The following MATCAP1 variants were observed in gnomAD, a reference collection of about 807,000 sequenced individuals.
MATCAP1 encodes microtubule associated tyrosine carboxypeptidase 1.
the MATCAP1 span, among the ~76,000 whole-genome samples, chr16:67,182,477 C>A: frequency 2.6e-5 from 4 of 152,318 alleles, no homozygotes; most frequent in African/African-American, 7.2e-5. Flanking sequence ...TTAGCTCAGA[C>A]TTCTTCCATA....
At chr16:67,181,927 A>C in the MATCAP1 span, among the ~76,000 whole-genome samples, 1 of 152,202 alleles carries the variant, frequency 6.6e-6, no homozygotes, top group African/African-American at 2.4e-5. Context: ...AATGACCTTC[A>C]TATTGATCAG....
chr16:67,179,039 A>T, the MATCAP1 span: 4 of 1,077,806 alleles, frequency 3.7e-6, no homozygotes, highest in Admixed American at 1.7e-4. This position sits in a 1 kb window ranked among gnomAD's most constrained non-coding sequence, Gnocchi z 5.2. Flanking sequence ...TCCTCAAGTC[A>T]AGTCCATTCC....
chr16:67,175,836 C>G, the MATCAP1 span: 1 of 152,264 alleles, frequency 6.6e-6, no homozygotes, highest in African/African-American at 2.4e-5. Flanking sequence ...CAGCAACCAC[C>G]TCTGCACCTC....
the MATCAP1 span, chr16:67,178,464 C>A: frequency 2.0e-6 from 3 of 1,532,958 alleles, no homozygotes; most frequent in Non-Finnish European, 2.6e-6. Flanking sequence ...CGTTGTGCCA[C>A]GGCTGGCGCG....
At chr16:67,179,878 G>C in the MATCAP1 span, 1 of 1,614,210 alleles carries the variant, frequency 6.2e-7, no homozygotes, top group Non-Finnish European at 8.5e-7. This position sits in a 1 kb window ranked among gnomAD's most constrained non-coding sequence, Gnocchi z 5.2. Flanking sequence ...GGCACTTGGT[G>C]AGCAGCTGCC....
chr16:67,179,349 T>C, the MATCAP1 span: 31 of 1,522,114 alleles, frequency 2.0e-5, no homozygotes, highest in Non-Finnish European at 2.6e-5. The surrounding 1 kb of genome is among the most constrained non-coding windows in gnomAD (Gnocchi z 5.2). Context: ...AGGGGAGTTA[T>C]TGGGGCCCCT....
At chr16:67,179,130 G>T in the MATCAP1 span, 1 of 1,212,476 alleles carries the variant, frequency 8.2e-7, no homozygotes, top group Non-Finnish European at 1.0e-6. The surrounding 1 kb of genome is among the most constrained non-coding windows in gnomAD (Gnocchi z 5.2). Flanking sequence ...TTCTCTGGCC[G>T]GTCAGGGCCT....
At chr16:67,178,691 A>G in the MATCAP1 span, 1 of 710,080 alleles carries the variant, frequency 1.4e-6, no homozygotes, top group African/African-American at 1.7e-5. Context: ...CCTCCTGTGG[A>G]CTCGCACCCA....
chr16:67,178,944 G>T, the MATCAP1 span: 1 of 417,260 alleles, frequency 2.4e-6, no homozygotes, highest in Non-Finnish European at 4.5e-6. Flanking sequence ...TCGAGGAAGA[G>T]GGACAGACAG....
chr16:67,182,495 G>C, the MATCAP1 span, among the ~76,000 whole-genome samples: 1 of 152,142 alleles, frequency 6.6e-6, no homozygotes, highest in Non-Finnish European at 1.5e-5. Flanking sequence ...ATAAACTTTA[G>C]ACCAGTGTTG....
At chr16:67,179,586 C>A in the MATCAP1 span, 1 of 1,602,476 alleles carries the variant, frequency 6.2e-7, no homozygotes, top group East Asian at 2.2e-5. The surrounding 1 kb of genome is among the most constrained non-coding windows in gnomAD (Gnocchi z 5.2). Context: ...TGCTCTGAGC[C>A]ATGGCCACCA....
At chr16:67,179,765 G>A in the MATCAP1 span, 1 of 1,608,230 alleles carries the variant, frequency 6.2e-7, no homozygotes, top group African/African-American at 1.3e-5. This position sits in a 1 kb window ranked among gnomAD's most constrained non-coding sequence, Gnocchi z 5.2. Flanking sequence ...CCGCCCACAA[G>A]ACACCCTGAT....
At chr16:67,179,095 G>A in the MATCAP1 span, 1 of 1,185,502 alleles carries the variant, frequency 8.4e-7, no homozygotes. This position sits in a 1 kb window ranked among gnomAD's most constrained non-coding sequence, Gnocchi z 5.2. Flanking sequence ...CGTGGTGGCT[G>A]GCCTGGTGGG....
the MATCAP1 span, chr16:67,178,864 C>A: frequency 9.5e-6 from 5 of 523,842 alleles, no homozygotes; most frequent in African/African-American, 7.6e-5. Context: ...ATCCTGGGTG[C>A]CCATATCATC....
the MATCAP1 span, chr16:67,178,342 A>T: frequency 5.1e-6 from 8 of 1,578,242 alleles, no homozygotes; most frequent in Non-Finnish European, 6.9e-6. Context: ...GTAGTAGAGC[A>T]GTGCAGCGCG....
chr16:67,176,179 C>G, the MATCAP1 span: 1 of 153,876 alleles, frequency 6.5e-6, no homozygotes, highest in East Asian at 1.9e-4. This position sits in a 1 kb window ranked among gnomAD's most constrained non-coding sequence, Gnocchi z 4.3. Context: ...TGTCCAACCC[C>G]CCGCACCCCC....
the MATCAP1 span, chr16:67,183,460 T>C: frequency 6.6e-6 from 1 of 152,248 alleles, no homozygotes; most frequent in Non-Finnish European, 1.5e-5. Flanking sequence ...CTGTCACTGT[T>C]GGAGTCTAGG....
the MATCAP1 span, chr16:67,176,839 G>A: frequency 3.3e-5 from 53 of 1,604,850 alleles, no homozygotes; most frequent in African/African-American, 5.4e-5. This position sits in a 1 kb window ranked among gnomAD's most constrained non-coding sequence, Gnocchi z 4.3. Flanking sequence ...ACCCAGCTCC[G>A]CCTCATCCAG....
the MATCAP1 span, chr16:67,179,176 G>A: frequency 7.6e-6 from 10 of 1,314,388 alleles, no homozygotes; most frequent in Admixed American, 3.6e-5. The surrounding 1 kb of genome is among the most constrained non-coding windows in gnomAD (Gnocchi z 5.2). Context: ...AGAAGTCGGA[G>A]AGGAAGTGGA....
Sources: allele counts gnomAD v4.1 joint callset (sites outside exome capture counted in the v4.1 genomes callset), GRCh38; gene constraint gnomAD v4.1.1; non-coding constraint Gnocchi (gnomAD v3.1); transcripts MANE v1.5; gene names NCBI Gene and HGNC (gene_info 2026-07-23, HGNC 2026-07-21).